PCDHA4: variants seen among roughly 807,000 people sequenced by gnomAD.
PCDHA4 encodes protocadherin alpha-4.
Under a neutral mutation model 61.4 loss-of-function variants are expected in PCDHA4, and 49 were observed. That is an observed-to-expected ratio of 0.80 (90% CI 0.63 to 1.01). PCDHA4 has a LOEUF of 1.01. Ranked by LOEUF, PCDHA4 falls within the 50% of genes least tolerant of loss-of-function variation. PCDHA4 has a pLI of 0.00. For synonymous variants in PCDHA4, 590 were observed against 550.3 expected (o/e 1.07, Z -1.01); for missense variants, 1,254 against 1,235.8 (o/e 1.01, Z -0.22).
At chr5:140,948,563 A>AT (rs1400147953) in intron 1 of PCDHA4, among the ~76,000 whole-genome samples, 1 of 151,546 alleles carries the variant, frequency 6.6e-6, no homozygotes, top group African/African-American at 2.4e-5. Flanking sequence ...GTTAAGTTGT[A>AT]TTTTTTAAAG....
rs115218749 is a variant in PCDHA4, at chr5:140,850,537, G to A, written c.2385+40965G>A. On this transcript the variant is annotated intron_variant, in intron 1 of 3. Transcript: ENST00000530339. ...GGCCAGGCGCCAAAGTCATCGTCGC[G>A]GGCGTCAGTGGGTGCCACGGGCCCC... 5,564 of 1,598,212 alleles carry A rather than the reference G, an allele frequency of 3.5e-3. 468 individuals are homozygous for A. The African/African-American group carries it at 0.059, about 17-fold the overall frequency.
chr5:140,834,802 T>C, intron 1 of PCDHA4: 1 of 1,612,920 alleles, frequency 6.2e-7, no homozygotes, highest in Non-Finnish European at 8.5e-7. Context: ...CAAAGGAATC[T>C]GTTCATCGCG....
At chr5:140,944,655 C>A (rs1045047658) in intron 1 of PCDHA4, among the ~76,000 whole-genome samples, 3 of 152,128 alleles carry the variant, frequency 2.0e-5, no homozygotes, top group Admixed American at 2.0e-4. Flanking sequence ...GGAGTCCATA[C>A]CCCTTATTTA....
At chr5:140,946,032 A>C (rs1440402875) in intron 1 of PCDHA4, among the ~76,000 whole-genome samples, 2 of 152,102 alleles carry the variant, frequency 1.3e-5, no homozygotes, top group Admixed American at 1.3e-4. Flanking sequence ...AGAAAACAAG[A>C]GTGAAGGGAC....
chr5:140,923,209 G>C (rs1454479273), intron 1 of PCDHA4, among the ~76,000 whole-genome samples: 3 of 150,998 alleles, frequency 2.0e-5, no homozygotes, highest in Non-Finnish European at 4.4e-5. Flanking sequence ...GGAGGCTAAG[G>C]TGAAAGGATC....
intron 1 of PCDHA4, chr5:140,875,523 G>A (rs782796444): frequency 6.2e-7 from 1 of 1,613,992 alleles, no homozygotes; most frequent in South Asian, 1.1e-5. Flanking sequence ...TGCTGCTCTC[G>A]CTTCTGCTCC....
At chr5:141,003,517 T>C (rs538562882) in intron 3 of PCDHA4, among the ~76,000 whole-genome samples, 1 of 152,238 alleles carries the variant, frequency 6.6e-6, no homozygotes, top group East Asian at 1.9e-4. Context: ...TTCACCATGT[T>C]CCCTAGGCTG....
At chr5:140,936,419 TTTAA>T (rs1159041231) in intron 1 of PCDHA4, among the ~76,000 whole-genome samples, 4 of 152,184 alleles carry the variant, frequency 2.6e-5, no homozygotes, top group Non-Finnish European at 5.9e-5. Context: ...TGTTACTAAT[TTTAA>T]TTAATTTAAG....
At chr5:140,968,252 C>A (rs201156874) in intron 1 of PCDHA4, 7 of 1,613,948 alleles carry the variant, frequency 4.3e-6, no homozygotes, top group Non-Finnish European at 8.5e-7. Context: ...AGCCACAGAC[C>A]CAGATGAAAA....
In PCDHA4 at chr5:141,010,293, GC is replaced by G; in HGVS notation, c.*357del. The G allele has an allele frequency of 6.5e-7, 1 of 1,549,794 alleles. No individual in the cohort carries two copies. The highest frequency in any genetic ancestry group is 8.7e-7 in the Non-Finnish European group (1 of 1,146,454). On this transcript the variant is annotated 3_prime_UTR_variant, in exon 4 of 4. Transcript: ENST00000530339. ...ATCCTGTCTTGATGACACTTGCAGG[GC>G]AGGCTGAAAAGTTTTGAGATTGAGC...
At chr5:140,846,310 A>G (rs1373754894) in intron 1 of PCDHA4, among the ~76,000 whole-genome samples, 4 of 145,832 alleles carry the variant, frequency 2.7e-5, no homozygotes, top group African/African-American at 1.0e-4. Context: ...TAAACCATTT[A>G]TGTAGAGTGT....
At chr5:140,943,050 A>G (rs1450755005) in intron 1 of PCDHA4, among the ~76,000 whole-genome samples, 1 of 152,044 alleles carries the variant, frequency 6.6e-6, no homozygotes, top group African/African-American at 2.4e-5. Flanking sequence ...TGAGGTCAGG[A>G]GTTCAAGAAC....
At chr5:140,857,263 A>C (rs367883816) in intron 1 of PCDHA4, 1 of 1,598,420 alleles carries the variant, frequency 6.3e-7, no homozygotes, top group East Asian at 2.2e-5. Context: ...ATTACTACTC[A>C]TTGGTGCTGG....
At chr5:140,870,153 CG>C (rs1562639258) in intron 1 of PCDHA4, 2 of 1,614,088 alleles carry the variant, frequency 1.2e-6, no homozygotes, top group South Asian at 2.2e-5. Flanking sequence ...CTGAAGTCGC[CG>C]TGACTTCCTT....
chr5:140,971,035 C>T (rs1251023371), intron 1 of PCDHA4, among the ~76,000 whole-genome samples: 1 of 152,098 alleles, frequency 6.6e-6, no homozygotes, highest in African/African-American at 2.4e-5. Flanking sequence ...TTTGAAAGCA[C>T]GTAAAAGGGT....
chr5:140,835,835 G>T (rs2150246191), intron 1 of PCDHA4: 3 of 1,612,346 alleles, frequency 1.9e-6, no homozygotes, highest in African/African-American at 1.3e-5. Context: ...ACGCGGACGC[G>T]CAGAAGAACG....
chr5:140,823,040 T>G (rs2150121625), intron 1 of PCDHA4: 1 of 1,614,210 alleles, frequency 6.2e-7, no homozygotes, highest in Middle Eastern at 1.7e-4. Context: ...GTCTATGAGC[T>G]GGTGGTGACC....
intron 3 of PCDHA4, among the ~76,000 whole-genome samples, chr5:140,994,381 C>T (rs1339661887): frequency 6.6e-6 from 1 of 152,086 alleles, no homozygotes; most frequent in East Asian, 1.9e-4. Context: ...ATTCAGGGGA[C>T]TAAGTCAGAG....
intron 1 of PCDHA4, chr5:140,882,794 G>C: frequency 6.2e-7 from 1 of 1,614,188 alleles, no homozygotes; most frequent in Non-Finnish European, 8.5e-7. Context: ...GGATCCCAAC[G>C]ATTATTTCAC....
Sources: gnomAD v4.1 joint callset for allele counts (sites outside exome capture counted in the v4.1 genomes callset) on GRCh38, gnomAD v4.1.1 for gene constraint, MANE v1.5 for transcripts, NCBI Gene and HGNC (gene_info 2026-07-23, HGNC 2026-07-21) for gene names.